The following PDE10A variants were observed in gnomAD, a reference collection of about 807,000 sequenced individuals.
PDE10A encodes the protein phosphodiesterase 10A.
PDE10A carries 39 observed loss-of-function variants against 97.7 expected under a neutral mutation model. The ratio of observed to expected loss-of-function variants is 0.40; its 90% confidence interval spans 0.31 to 0.52. The LOEUF is 0.52. PDE10A is among the 20% of genes least tolerant of loss of function. The pLI is 0.56. For missense variants in PDE10A, 731 were observed against 1,047.8 expected (o/e 0.70, Z 4.17); for synonymous variants, 371 against 376.8 (o/e 0.98, Z 0.18).
chr6:165,524,455 C>T (rs2128310383), intron 2 of PDE10A, among the ~76,000 whole-genome samples: 1 of 152,274 alleles, frequency 6.6e-6, no homozygotes, highest in South Asian at 2.1e-4. Flanking sequence ...ACATTTGACA[C>T]TCCTGATTCA....
chr6:165,835,057 AT>A (rs1780030892), intron 1 of PDE10A, among the ~76,000 whole-genome samples: 1 of 152,114 alleles, frequency 6.6e-6, no homozygotes, highest in South Asian at 2.1e-4. Context: ...TGCAGAAGTC[AT>A]TCAGCGGGAG....
intron 1 of PDE10A, among the ~76,000 whole-genome samples, chr6:165,918,560 T>C (rs1039582120): frequency 6.6e-6 from 1 of 152,248 alleles, no homozygotes; most frequent in Non-Finnish European, 1.5e-5. Flanking sequence ...ATTGCTTGAA[T>C]GACAAACTGA....
chr6:165,827,637 T>A (rs1278599252), intron 1 of PDE10A, among the ~76,000 whole-genome samples: 1 of 152,204 alleles, frequency 6.6e-6, no homozygotes, highest in African/African-American at 2.4e-5. Context: ...ATTCTTGGCT[T>A]TAAATCTGTT....
At chr6:165,646,684 G>A (rs1332857140) in intron 1 of PDE10A, among the ~76,000 whole-genome samples, 1 of 152,106 alleles carries the variant, frequency 6.6e-6, no homozygotes, top group Non-Finnish European at 1.5e-5. Context: ...AGTCAACAGC[G>A]GCATCGCCAC....
chr6:165,969,426 C>T (rs566008828), intron 1 of PDE10A, among the ~76,000 whole-genome samples: 1 of 152,208 alleles, frequency 6.6e-6, no homozygotes, highest in Admixed American at 6.5e-5. Flanking sequence ...TCAAATAAGA[C>T]ACAGCTGTAG....
chr6:165,421,426 G>C (rs1481508930), intron 10 of PDE10A, among the ~76,000 whole-genome samples: 1 of 151,926 alleles, frequency 6.6e-6, no homozygotes, highest in Non-Finnish European at 1.5e-5. Context: ...CTGGGCGACA[G>C]AGCAAGACCC....
intron 3 of PDE10A, among the ~76,000 whole-genome samples, chr6:165,471,238 A>T (rs1044694279): frequency 6.6e-6 from 1 of 151,730 alleles, no homozygotes; most frequent in Non-Finnish European, 1.5e-5. Flanking sequence ...TTCTCTTTCC[A>T]CCTCTTGTGT....
intron 1 of PDE10A, among the ~76,000 whole-genome samples, chr6:165,568,464 C>T (rs562339808): frequency 6.6e-6 from 1 of 152,288 alleles, no homozygotes; most frequent in South Asian, 2.1e-4. Flanking sequence ...CTCTGAGTAG[C>T]ATGATAAAAT....
At chr6:165,832,236 C>A (rs1052119146) in intron 1 of PDE10A, among the ~76,000 whole-genome samples, 1 of 151,948 alleles carries the variant, frequency 6.6e-6, no homozygotes, top group Non-Finnish European at 1.5e-5. Context: ...ACTGCAGCTT[C>A]CTCGGTGGGA....
chr6:165,418,528 G>A lies in PDE10A; in HGVS notation c.1796+107C>T. ...GGGTCCTGGTGGGAATGATATCACA[G>A]TATGACAAGTATTGTCAGCATACCT... On this transcript the variant is annotated intron_variant, in intron 11 of 21. Transcript: ENST00000539869. The surrounding 1 kb of genome is among the most constrained non-coding windows in gnomAD (Gnocchi z 4.8). 9.9e-7 allele frequency: 1 copy of A among 1,008,988 alleles called. No homozygotes were observed. The highest frequency in any genetic ancestry group is 1.5e-5 in the South Asian group (1 of 67,026). The allele number at this position is 1,008,988 out of a possible 1,614,324, so 62.5% of individuals were successfully genotyped here.
At chr6:165,867,923 C>A (rs763545052) in intron 1 of PDE10A, among the ~76,000 whole-genome samples, 10 of 151,910 alleles carry the variant, frequency 6.6e-5, no homozygotes, top group Non-Finnish European at 1.3e-4. Flanking sequence ...TCCTTAACGA[C>A]CATTGGGTCA....
At chr6:165,646,345 C>A (rs2128422742) in intron 1 of PDE10A, among the ~76,000 whole-genome samples, 1 of 152,244 alleles carries the variant, frequency 6.6e-6, no homozygotes, top group African/African-American at 2.4e-5. Context: ...GTAAGGTGGG[C>A]AATTCAAGAA....
rs1303279546 is a variant in PDE10A at position 165,405,208 on chromosome 6, A to AAGAC, written c.2076+8289_2076+8292dup. Among the ~76,000 whole-genome samples the AAGAC allele has an allele frequency of 2.6e-5, 4 of 152,330 alleles. No individual in the cohort carries two copies. The East Asian group carries it at 7.7e-4, about 29-fold the overall frequency. ...GCCCCAAATGCACCTCAGCGTATAGAAGACAACTGGTGTCCTAAGGTAGGA... is the reference window on the plus strand; with the variant it reads ...GCCCCAAATGCACCTCAGCGTATAGAAGACAGACAACTGGTGTCCTAAGGTAGGA... On this transcript the variant is annotated intron_variant, in intron 13 of 21. Transcript: ENST00000539869.
At chr6:165,691,113 C>G (rs1461945720) in intron 1 of PDE10A, among the ~76,000 whole-genome samples, 1 of 109,228 alleles carries the variant, frequency 9.2e-6, no homozygotes, top group East Asian at 2.8e-4. Context: ...CTCTCCCCCC[C>G]CCCATCAGTG....
chr6:165,840,445 C>T (rs1780228841), intron 1 of PDE10A, among the ~76,000 whole-genome samples: 1 of 152,202 alleles, frequency 6.6e-6, no homozygotes, highest in African/African-American at 2.4e-5. Flanking sequence ...CTTACTTGCC[C>T]TTTCCTCAGC....
chr6:165,834,959 G>A (rs960837215), intron 1 of PDE10A, among the ~76,000 whole-genome samples: 2 of 152,238 alleles, frequency 1.3e-5, no homozygotes, highest in African/African-American at 4.8e-5. Context: ...AGGTGGAGAG[G>A]CCTAGCCAGG....
In PDE10A at chr6:165,819,990, A is replaced by T. The variant is rs986234941; in HGVS notation, c.-615+167539T>A. The stretch of plus-strand genomic sequence containing the variant: ...CCTTAAACTCAAGTTAGTAATATAA[A>T]ATTTAGGAGAAAATTTTAAAAATGA... On this transcript the variant is annotated intron_variant, in intron 1 of 19. Coordinates refer to the PDE10A transcript ENST00000366882. This position sits in a 1 kb window ranked among gnomAD's most constrained non-coding sequence, Gnocchi z 4.2. 6.6e-6 allele frequency among the ~76,000 whole-genome samples: 1 copy of T among 152,238 alleles called. No homozygotes were observed. The highest frequency in any genetic ancestry group is 1.5e-5 in the Non-Finnish European group (1 of 68,040).
chr6:165,783,354 G>A (rs1332433341), intron 1 of PDE10A, among the ~76,000 whole-genome samples: 3 of 152,132 alleles, frequency 2.0e-5, no homozygotes, highest in South Asian at 4.1e-4. Flanking sequence ...TAAAGGTTAG[G>A]ACCAGGTCTT....
intron 1 of PDE10A, among the ~76,000 whole-genome samples, chr6:165,759,425 G>A (rs1397148689): frequency 6.6e-6 from 1 of 152,094 alleles, no homozygotes; most frequent in Non-Finnish European, 1.5e-5. Context: ...CACTTTCACG[G>A]GGCCAGGTCA....
Sources: allele counts gnomAD v4.1 joint callset (sites outside exome capture counted in the v4.1 genomes callset), GRCh38; gene constraint gnomAD v4.1.1; non-coding constraint Gnocchi (gnomAD v3.1); transcripts MANE v1.5; gene names NCBI Gene and HGNC (gene_info 2026-07-23, HGNC 2026-07-21).